Variants in CDH11 observed in about 807,000 individuals in gnomAD.
CDH11 encodes cadherin 11, also known as cadherin-11.
A neutral mutation model predicts 67.8 loss-of-function variants in CDH11; 11 were observed. That is an observed-to-expected ratio of 0.16 (90% CI 0.10 to 0.27). The LOEUF (loss-of-function observed/expected upper bound fraction) is 0.27. CDH11 is among the 10% of genes least tolerant of loss of function. The probability of loss-of-function intolerance (pLI) is 1.00; values close to 1 mark genes in which losing one functional copy is unlikely to be tolerated. For missense variants in CDH11, 847 were observed against 1,031.2 expected (o/e 0.82, Z 2.45); for synonymous variants, 419 against 400.0 (o/e 1.05, Z -0.57).
chr16:64,963,788 G>A (rs1394573645), intron 11 of CDH11, among the ~76,000 whole-genome samples: 2 of 152,070 alleles, frequency 1.3e-5, no homozygotes, highest in Non-Finnish European at 2.9e-5. Flanking sequence ...CCAGCAAAAA[G>A]AGAATAAAGT....
At chr16:65,117,061 T>C (rs2075256714) in intron 1 of CDH11, among the ~76,000 whole-genome samples, 1 of 152,240 alleles carries the variant, frequency 6.6e-6, no homozygotes, top group Non-Finnish European at 1.5e-5. Context: ...CACAAGAGCT[T>C]AGAATTTAAA....
intron 2 of CDH11, among the ~76,000 whole-genome samples, chr16:65,031,406 G>A (rs1265348321): frequency 1.3e-5 from 2 of 152,166 alleles, no homozygotes; most frequent in Non-Finnish European, 2.9e-5. Context: ...TTTGATGGGG[G>A]ACTTAGGGGG....
intron 1 of CDH11, among the ~76,000 whole-genome samples, chr16:65,058,841 T>C (rs1298401359): frequency 1.3e-5 from 2 of 152,198 alleles, no homozygotes. Flanking sequence ...TTTTGAAGAA[T>C]GATTGTGGAG....
At chr16:64,951,261 C>T (rs1310034408) in intron 11 of CDH11, among the ~76,000 whole-genome samples, 1 of 152,178 alleles carries the variant, frequency 6.6e-6, no homozygotes, top group Non-Finnish European at 1.5e-5. Context: ...TAGGGAATTT[C>T]CATTGAAGAA....
chr16:65,064,897 C>T (rs1473099168), intron 1 of CDH11, among the ~76,000 whole-genome samples: 2 of 152,140 alleles, frequency 1.3e-5, no homozygotes, highest in Non-Finnish European at 2.9e-5. Flanking sequence ...AGGTGAGGAA[C>T]ACGGATCCAT....
At chr16:65,050,173 C>A (rs1398231985) in intron 2 of CDH11, among the ~76,000 whole-genome samples, 1 of 152,118 alleles carries the variant, frequency 6.6e-6, no homozygotes, top group Non-Finnish European at 1.5e-5. Context: ...TACTGAAAAC[C>A]CAGCAAGGTC....
chr16:65,095,180 C>T (rs952508288), intron 1 of CDH11, among the ~76,000 whole-genome samples: 4 of 152,092 alleles, frequency 2.6e-5, no homozygotes, highest in African/African-American at 9.7e-5. Context: ...CAGTCTGCAA[C>T]ATTGTGTCTC....
chr16:65,096,403 C>CGG (rs199984245), intron 1 of CDH11, among the ~76,000 whole-genome samples: 53,776 of 131,094 alleles, frequency 0.41, 10,379 homozygotes, highest in South Asian at 0.57. Flanking sequence ...ATAAATCTTT[C>CGG]GGGGTGTGTG....
At chr16:65,019,165 G>T (rs944267243) in intron 2 of CDH11, among the ~76,000 whole-genome samples, 20 of 152,084 alleles carry the variant, frequency 1.3e-4, no homozygotes, top group African/African-American at 4.3e-4. Flanking sequence ...ACCCAAATAT[G>T]TCATTTTTGG....
chr16:65,116,872 T>C (rs2142896272), intron 1 of CDH11, among the ~76,000 whole-genome samples: 1 of 152,280 alleles, frequency 6.6e-6, no homozygotes, highest in South Asian at 2.1e-4. Flanking sequence ...TCTCTCACAT[T>C]CCTCTCACTT....
intron 1 of CDH11, among the ~76,000 whole-genome samples, chr16:65,105,223 G>A (rs1406804809): frequency 6.6e-6 from 1 of 152,134 alleles, no homozygotes; most frequent in Non-Finnish European, 1.5e-5. Context: ...ATTTGTTTTT[G>A]GAAGAGGTTT....
At chr16:65,010,879 C>T (rs557959146) in intron 2 of CDH11, among the ~76,000 whole-genome samples, 103 of 151,292 alleles carry the variant, frequency 6.8e-4, no homozygotes, top group Non-Finnish European at 1.2e-3. Flanking sequence ...TTTTCTAGTG[C>T]TGGACAGTAT....
chr16:65,080,985 TTGTATTGTATTTTA>T (rs2074599895), intron 1 of CDH11, among the ~76,000 whole-genome samples: 1 of 152,220 alleles, frequency 6.6e-6, no homozygotes, highest in Non-Finnish European at 1.5e-5. Context: ...CCTTGCCAAA[TTGTATTGTATTTTA>T]TTGTATCATA....
At chr16:64,991,467 G>A (rs2072626710) in intron 6 of CDH11, 1 of 311,780 alleles carries the variant, frequency 3.2e-6, no homozygotes, top group South Asian at 7.5e-5. Context: ...GGCAGAAAAG[G>A]GTTAATTAAT....
intron 1 of CDH11, among the ~76,000 whole-genome samples, chr16:65,054,514 G>T (rs900878049): frequency 2.6e-5 from 4 of 152,096 alleles, no homozygotes; most frequent in African/African-American, 2.4e-5. Context: ...CCACGTTTTA[G>T]ACTTTCTGTG....
At chr16:65,022,799 T>C (rs563265994) in intron 2 of CDH11, among the ~76,000 whole-genome samples, 7 of 151,926 alleles carry the variant, frequency 4.6e-5, no homozygotes, top group Non-Finnish European at 1.0e-4. Flanking sequence ...TACTGGCCAG[T>C]GAGGGTCCCC....
intron 2 of CDH11, among the ~76,000 whole-genome samples, chr16:65,022,485 C>T (rs532606564): frequency 3.9e-5 from 6 of 152,258 alleles, no homozygotes; most frequent in Non-Finnish European, 7.4e-5. Context: ...ATTGTCCTCA[C>T]GTTTAACAAG....
At chr16:64,997,846 T>C (rs2072813558) in intron 4 of CDH11, among the ~76,000 whole-genome samples, 1 of 152,204 alleles carries the variant, frequency 6.6e-6, no homozygotes. Context: ...ATTTGAGCTC[T>C]AAAACTCTTT....
intron 2 of CDH11, among the ~76,000 whole-genome samples, chr16:65,035,696 G>A (rs897100371): frequency 1.3e-5 from 2 of 152,080 alleles, no homozygotes; most frequent in African/African-American, 4.8e-5. Context: ...ATTTACAAAG[G>A]GCTTTCATGA....
Sources: gnomAD v4.1 joint callset for allele counts (sites outside exome capture counted in the v4.1 genomes callset) on GRCh38, gnomAD v4.1.1 for gene constraint, MANE v1.5 for transcripts, NCBI Gene and HGNC (gene_info 2026-07-23, HGNC 2026-07-21) for gene names.